The following FAF1 variants were observed in gnomAD, a reference collection of about 807,000 sequenced individuals.
The protein encoded by FAF1 is Fas associated factor 1.
FAF1 carries 25 observed loss-of-function variants against 92.5 expected under a neutral mutation model. The ratio of observed to expected loss-of-function variants is 0.27; its 90% CI spans 0.20 to 0.38. FAF1 has a LOEUF of 0.38. Ranked by LOEUF, FAF1 falls within the 10% of genes least tolerant of loss-of-function variation. The probability of loss-of-function intolerance (pLI) is 1.00; values close to 1 mark genes in which losing one functional copy is unlikely to be tolerated. For missense variants in FAF1, 636 were observed against 793.3 expected, an observed-to-expected ratio of 0.80 and a Z score of 2.38; for synonymous variants, 234 against 273.2, an observed-to-expected ratio of 0.86 and a Z score of 1.42.
chr1:50,676,514 GAATAT>G (rs1291180470), intron 7 of FAF1, among the ~76,000 whole-genome samples: 2 of 150,896 alleles, frequency 1.3e-5, no homozygotes, highest in Non-Finnish European at 3.0e-5. Flanking sequence ...AATCACCCTG[GAATAT>G]AATATAAAAA....
chr1:50,753,863 T>C (rs997018720), intron 4 of FAF1, among the ~76,000 whole-genome samples: 1 of 151,342 alleles, frequency 6.6e-6, no homozygotes, highest in African/African-American at 2.4e-5. Context: ...ATTCAAGCAA[T>C]TCTCTTGCCT....
intron 8 of FAF1, among the ~76,000 whole-genome samples, chr1:50,637,681 A>ATGTGTGTG (rs142201244): frequency 0.03 from 4,050 of 137,082 alleles, 135 homozygotes; most frequent in African/African-American, 0.076. Flanking sequence ...ACATATATAT[A>ATGTGTGTG]TGTGTGTGTG....
chr1:50,447,763 C>A (rs1026365987), intron 18 of FAF1, among the ~76,000 whole-genome samples: 1 of 152,230 alleles, frequency 6.6e-6, no homozygotes, highest in African/African-American at 2.4e-5. Context: ...TAGACACAGA[C>A]AGAGCAAAAT....
intron 6 of FAF1, among the ~76,000 whole-genome samples, chr1:50,715,817 T>A (rs1486666173): frequency 1.3e-5 from 2 of 152,168 alleles, no homozygotes; most frequent in Non-Finnish European, 2.9e-5. Flanking sequence ...CCACATTTTT[T>A]AAAAAGGGGA....
chr1:50,721,751 G>A (rs767312817), intron 6 of FAF1, among the ~76,000 whole-genome samples: 1 of 151,936 alleles, frequency 6.6e-6, no homozygotes, highest in African/African-American at 2.4e-5. Context: ...AGCCTCCCAA[G>A]TAGCTAGGAC....
At chr1:50,595,470 C>T (rs1203718392) in intron 9 of FAF1, among the ~76,000 whole-genome samples, 1 of 152,146 alleles carries the variant, frequency 6.6e-6, no homozygotes, top group East Asian at 1.9e-4. Flanking sequence ...AGTGCTCCAA[C>T]CCAATGAGTT....
At chr1:50,630,963 C>T (rs913624949) in intron 8 of FAF1, among the ~76,000 whole-genome samples, 13 of 151,720 alleles carry the variant, frequency 8.6e-5, no homozygotes, top group South Asian at 8.4e-4. Context: ...CCACCATGCC[C>T]GGCTAATTTT....
rs1646160644 is a variant in FAF1, at chr1:50,440,968, G to A, written c.*472C>T. 1 of 152,970 alleles carries A rather than the reference G, an allele frequency of 6.5e-6. No individual in the cohort carries two copies. Among genetic ancestry groups the A allele is most frequent in the South Asian group, 2.1e-4 (1 of 4,838 alleles). The allele number at this position is 152,970 out of a possible 1,614,324, so 9.5% of individuals were successfully genotyped here. A position where few individuals can be genotyped will look rare whatever the true frequency, so the allele number is the denominator to read the frequency against. On this transcript the variant is annotated 3_prime_UTR_variant, in exon 19 of 19. Transcript: ENST00000396153. ...AATGTTTAATCTCCATGCCGACAAT[G>A]TCTCATTTGACTTTTTTTCCCTCTG...
intron 8 of FAF1, among the ~76,000 whole-genome samples, chr1:50,651,060 T>A (rs369453261): frequency 9.8e-5 from 15 of 152,298 alleles, no homozygotes; most frequent in African/African-American, 3.6e-4. Context: ...CTTCACTGAG[T>A]AACCTGAAAA....
chr1:50,639,461 C>T (rs1199096536), intron 8 of FAF1, among the ~76,000 whole-genome samples: 1 of 152,188 alleles, frequency 6.6e-6, no homozygotes, highest in African/African-American at 2.4e-5. Flanking sequence ...TTTTCCAGGA[C>T]CTTATTCACC....
intron 15 of FAF1, among the ~76,000 whole-genome samples, chr1:50,496,505 C>T (rs541107325): frequency 1.7e-4 from 26 of 152,178 alleles, no homozygotes; most frequent in Non-Finnish European, 3.1e-4. Context: ...TAATTCAGAA[C>T]CTGACAAGGT....
At chr1:50,614,551 C>T (rs1652821105) in intron 8 of FAF1, among the ~76,000 whole-genome samples, 1 of 151,576 alleles carries the variant, frequency 6.6e-6, no homozygotes, top group Non-Finnish European at 1.5e-5. Flanking sequence ...AAAAACAAAA[C>T]AAAATGGGCT....
intron 14 of FAF1, among the ~76,000 whole-genome samples, chr1:50,538,615 C>A (rs574185106): frequency 2.4e-4 from 36 of 151,542 alleles, no homozygotes; most frequent in South Asian, 6.2e-4. Flanking sequence ...TACAGATATC[C>A]TAAAAGGGTC....
chr1:50,935,157 T>C (rs1570159228), intron 1 of FAF1, among the ~76,000 whole-genome samples: 1 of 152,102 alleles, frequency 6.6e-6, no homozygotes, highest in Non-Finnish European at 1.5e-5. Context: ...ATAGGAGAAA[T>C]GGTAGAATTT....
chr1:50,786,696 A>G (rs533124436), intron 4 of FAF1, among the ~76,000 whole-genome samples: 1 of 152,350 alleles, frequency 6.6e-6, no homozygotes, highest in Admixed American at 6.5e-5. Context: ...AAGAAGAAAC[A>G]AGTATAAAGG....
intron 8 of FAF1, among the ~76,000 whole-genome samples, chr1:50,637,021 G>A (rs80271470): frequency 0.014 from 2,100 of 152,124 alleles, 47 homozygotes; most frequent in African/African-American, 0.047. Context: ...ATCTATTCCT[G>A]AACACTCTAT....
chr1:50,729,059 T>TATA (rs1491171349), intron 6 of FAF1, among the ~76,000 whole-genome samples: 1,154 of 37,158 alleles, frequency 0.031, 11 homozygotes, highest in Middle Eastern at 0.048. Context: ...TATATATATA[T>TATA]TTTTTTTTTT....
intron 1 of FAF1, among the ~76,000 whole-genome samples, chr1:50,859,061 A>G (rs962465165): frequency 1.3e-5 from 2 of 151,946 alleles, no homozygotes; most frequent in African/African-American, 4.8e-5. Context: ...AAAGTTTTCA[A>G]TAAAACCCAA....
At chr1:50,463,739 G>A (rs1245708138) in intron 18 of FAF1, among the ~76,000 whole-genome samples, 1 of 152,156 alleles carries the variant, frequency 6.6e-6, no homozygotes, top group Non-Finnish European at 1.5e-5. Flanking sequence ...GCTGGAAAAG[G>A]CTGTAAAAAC....
Sources: gnomAD v4.1 joint callset for allele counts (sites outside exome capture counted in the v4.1 genomes callset) on GRCh38, gnomAD v4.1.1 for gene constraint, MANE v1.5 for transcripts, NCBI Gene and HGNC (gene_info 2026-07-23, HGNC 2026-07-21) for gene names.